The following BICC1 variants were observed in gnomAD, a reference collection of about 807,000 sequenced individuals.
BICC1 encodes BicC family RNA binding protein 1.
BICC1 carries 43 observed loss-of-function variants against 111.0 expected under a neutral mutation model. The observed-to-expected ratio is 0.39, with a 90% confidence interval of 0.30 to 0.50. BICC1 has a LOEUF of 0.50. Among genes scored for constraint, BICC1 ranks in the 20% least tolerant of loss-of-function variants. The pLI, the probability that BICC1 is intolerant of heterozygous loss-of-function variation, is 0.88. For synonymous variants in BICC1, 467 were observed against 434.4 expected, an observed-to-expected ratio of 1.07 and a Z score of -0.93; for missense variants, 1,091 against 1,203.2, an observed-to-expected ratio of 0.91 and a Z score of 1.38.
At chr10:58,540,467 CATAAT>C (rs1231537558) in intron 1 of BICC1, among the ~76,000 whole-genome samples, 2 of 151,850 alleles carry the variant, frequency 1.3e-5, no homozygotes, top group Admixed American at 6.6e-5. Context: ...TGTAAAGTAT[CATAAT>C]AGAGTACTAT....
intron 1 of BICC1, among the ~76,000 whole-genome samples, chr10:58,606,281 A>G (rs1845209289): frequency 1.3e-5 from 2 of 152,086 alleles, no homozygotes; most frequent in South Asian, 4.1e-4. Flanking sequence ...CTACTAATAT[A>G]TGGAATCCAA....
At chr10:58,790,190 T>C (rs1463468961) in intron 8 of BICC1, among the ~76,000 whole-genome samples, 4 of 152,092 alleles carry the variant, frequency 2.6e-5, no homozygotes, top group African/African-American at 7.2e-5. Flanking sequence ...AAGAGAATTA[T>C]AGTGAAATAA....
At chr10:58,823,582 A>G in intron 20 of BICC1, 1 of 985,150 alleles carries the variant, frequency 1.0e-6, no homozygotes, top group Non-Finnish European at 1.2e-6. Context: ...TTTAATATTT[A>G]TTTTGAAAAA....
chr10:58,691,008 TAAG>T (rs1564556432), intron 2 of BICC1, among the ~76,000 whole-genome samples: 2 of 152,174 alleles, frequency 1.3e-5, no homozygotes, highest in African/African-American at 4.8e-5. Flanking sequence ...ATAATCGACA[TAAG>T]AAGGTGTACA....
chr10:58,734,054 AG>A (rs1487459720), intron 3 of BICC1, among the ~76,000 whole-genome samples: 2 of 152,188 alleles, frequency 1.3e-5, no homozygotes, highest in African/African-American at 4.8e-5. Context: ...CTGTGGGAAA[AG>A]TCTGTGACTG....
intron 3 of BICC1, among the ~76,000 whole-genome samples, chr10:58,750,204 G>A (rs372046520): frequency 1.6e-4 from 25 of 152,242 alleles, no homozygotes; most frequent in African/African-American, 5.5e-4. Flanking sequence ...AAATGGTAGC[G>A]AGTGAGAGAG....
intron 1 of BICC1, among the ~76,000 whole-genome samples, chr10:58,525,008 T>A (rs1000757347): frequency 9.3e-5 from 14 of 150,080 alleles, no homozygotes; most frequent in African/African-American, 3.4e-4. Flanking sequence ...AAAACCACAA[T>A]GAGATACCAT....
intron 3 of BICC1, among the ~76,000 whole-genome samples, chr10:58,748,060 G>A (rs957690392): frequency 6.6e-6 from 1 of 152,122 alleles, no homozygotes; most frequent in Admixed American, 6.6e-5. Context: ...ATCATACTAG[G>A]TGATGTGGGT....
intron 1 of BICC1, among the ~76,000 whole-genome samples, chr10:58,612,092 AT>A (rs2132109706): frequency 6.6e-6 from 1 of 152,300 alleles, no homozygotes; most frequent in African/African-American, 2.4e-5. Context: ...GAGATACAGC[AT>A]TCAGATGATA....
chr10:58,828,970 C>T lies in BICC1; in HGVS notation c.*79C>T. ...TGTATGAACAGCCTTCACAGCACAC[C>T]ATCCTTAGCACTCTGGGTGTCTGGT... On this transcript the variant is annotated 3_prime_UTR_variant, in exon 21 of 21. Transcript: ENST00000373886. The T allele has an allele frequency of 1.3e-6, 2 of 1,549,768 alleles. No homozygotes were observed. Among genetic ancestry groups the T allele is most frequent in the Non-Finnish European group, 1.8e-6 (2 of 1,137,056 alleles).
rs59606054 is a variant in BICC1 at position 58,769,404 on chromosome 10, G to GTATATATATATATATATATATA, written c.308-15596_308-15575dup. Among the ~76,000 whole-genome samples the GTATATATATATATATATATATA allele has an allele frequency of 2.0e-3, 223 of 109,610 alleles. 1 individual carries two copies. Among genetic ancestry groups the GTATATATATATATATATATATA allele is most frequent in the Non-Finnish European group, 3.1e-3 (160 of 52,098 alleles). 71.9% of individuals were successfully genotyped at this position (109,610 alleles called of 152,430 possible). A position where few individuals can be genotyped will look rare whatever the true frequency, so the allele number is the denominator to read the frequency against. ...TGTGTGTGTGTGTGTGTGTGTGTGT[G>GTATATATATATATATATATATA]TATATATATATATATATATATAATC... On this transcript the variant is annotated intron_variant, in intron 3 of 20. Coordinates refer to ENST00000373886, the MANE Select transcript of BICC1 (RefSeq NM_001080512.3).
chr10:58,581,543 A>C (rs1432082470), intron 1 of BICC1, among the ~76,000 whole-genome samples: 1 of 152,220 alleles, frequency 6.6e-6, no homozygotes, highest in Non-Finnish European at 1.5e-5. Flanking sequence ...AGGAGCAAAT[A>C]GACTGATGTG....
At chr10:58,628,700 A>G (rs1837705800) in intron 2 of BICC1, among the ~76,000 whole-genome samples, 1 of 152,176 alleles carries the variant, frequency 6.6e-6, no homozygotes, top group South Asian at 2.1e-4. Context: ...TGAGGCCATA[A>G]TATTCATAAT....
intron 1 of BICC1, among the ~76,000 whole-genome samples, chr10:58,599,414 A>G (rs1844949052): frequency 6.6e-6 from 1 of 152,094 alleles, no homozygotes; most frequent in African/African-American, 2.4e-5. Flanking sequence ...AAAACTAAAC[A>G]CTGCATGTTC....
At chr10:58,817,799 T>C (rs41307514) in intron 19 of BICC1, 77 bp downstream of exon 19, 1 of 1,404,934 alleles carries the variant, frequency 7.1e-7, no homozygotes, top group Non-Finnish European at 9.7e-7. Context: ...AATCACTTAT[T>C]GACCTATGAG....
chr10:58,670,719 T>A (rs1009712448), intron 2 of BICC1, among the ~76,000 whole-genome samples: 5 of 152,164 alleles, frequency 3.3e-5, no homozygotes, highest in Non-Finnish European at 7.4e-5. Context: ...TGTGAGATCA[T>A]CAAATGGAAA....
intron 2 of BICC1, among the ~76,000 whole-genome samples, chr10:58,628,054 A>G (rs1837683844): frequency 6.6e-6 from 1 of 152,136 alleles, no homozygotes; most frequent in South Asian, 2.1e-4. Flanking sequence ...ATTTTGTTAT[A>G]TATGTTTATG....
Position 58,800,836 on chromosome 10 carries a change from A to C in BICC1, c.1859-54A>C, listed in dbSNP as rs1057421413. 1.1e-5 allele frequency: 16 copies of C among 1,508,004 alleles called. No homozygotes were observed. In the East Asian group the frequency reaches 3.3e-4, roughly 31 times the overall value. 93.4% of individuals were successfully genotyped at this position (1,508,004 alleles called of 1,614,324 possible). Reference sequence around the variant, plus strand: ...TTGTTTCCATTGCAGATAATTGTCAACTGGAAGGTGATGTTGTTTAGGTGT... The same window carrying C: ...TTGTTTCCATTGCAGATAATTGTCACCTGGAAGGTGATGTTGTTTAGGTGT... On this transcript the variant is annotated intron_variant, in intron 13 of 20. Coordinates refer to ENST00000373886, the MANE Select transcript of BICC1 (RefSeq NM_001080512.3).
intron 2 of BICC1, among the ~76,000 whole-genome samples, chr10:58,642,517 CA>C (rs967245883): frequency 6.6e-6 from 1 of 152,096 alleles, no homozygotes; most frequent in African/African-American, 2.4e-5. Flanking sequence ...AGAACATTTG[CA>C]AAACCGTGCC....
Sources: allele counts gnomAD v4.1 joint callset (sites outside exome capture counted in the v4.1 genomes callset), GRCh38; gene constraint gnomAD v4.1.1; transcripts MANE v1.5; gene names NCBI Gene and HGNC (gene_info 2026-07-23, HGNC 2026-07-21).